Variants in ENTPD1 observed in about 807,000 individuals in gnomAD.
The protein encoded by ENTPD1 is ectonucleoside triphosphate diphosphohydrolase 1, also known as ATP diphosphohydrolase.
In ENTPD1, 33 loss-of-function variants were observed where a neutral mutation model predicts 57.0. The observed-to-expected ratio is 0.58, with a 90% confidence interval of 0.44 to 0.77. ENTPD1 has a LOEUF of 0.77. Among genes scored for constraint, ENTPD1 ranks in the 30% least tolerant of loss-of-function variants. The pLI is 0.00. For missense variants in ENTPD1, 501 were observed against 603.4 expected, an observed-to-expected ratio of 0.83 and a Z score of 1.78; for synonymous variants, 202 against 218.8, an observed-to-expected ratio of 0.92 and a Z score of 0.68.
exon 1 of ENTPD1, chr10:95,711,811 G>T: frequency 9.3e-7 from 1 of 1,071,602 alleles, no homozygotes; most frequent in Non-Finnish European, 1.4e-6. Flanking sequence ...AAATAAATTT[G>T]TATGCCTTTT....
chr10:95,782,169 TAA>T (rs1437729093), intron 1 of ENTPD1, among the ~76,000 whole-genome samples: 8 of 152,238 alleles, frequency 5.3e-5, no homozygotes, highest in African/African-American at 1.9e-4. Flanking sequence ...GGCTCTGTGT[TAA>T]GTGCTTGACT....
At chr10:95,837,092 G>A (rs1044305949) in intron 2 of ENTPD1, among the ~76,000 whole-genome samples, 1 of 152,202 alleles carries the variant, frequency 6.6e-6, no homozygotes, top group African/African-American at 2.4e-5. Context: ...CGTAGTAAAA[G>A]TTTTTGTTTC....
chr10:95,738,253 C>G (rs1406034268), intron 1 of ENTPD1, among the ~76,000 whole-genome samples: 3 of 152,194 alleles, frequency 2.0e-5, no homozygotes, highest in Admixed American at 6.5e-5. Context: ...CCTGGAATCT[C>G]TGTGTGTGCA....
chr10:95,844,659 G>T, intron 5 of ENTPD1, 24 bp downstream of exon 5: 2 of 1,613,896 alleles, frequency 1.2e-6, no homozygotes, highest in South Asian at 2.2e-5. Flanking sequence ...AGCATCCATG[G>T]AGGTGGCTCT....
intron 1 of ENTPD1, among the ~76,000 whole-genome samples, chr10:95,734,745 A>G (rs967423155): frequency 1.3e-5 from 2 of 152,186 alleles, no homozygotes; most frequent in Non-Finnish European, 2.9e-5. Context: ...ACTGATTTTT[A>G]TGTCACAAAA....
intron 1 of ENTPD1, among the ~76,000 whole-genome samples, chr10:95,805,868 A>T (rs1026110021): frequency 1.1e-4 from 17 of 152,158 alleles, no homozygotes; most frequent in African/African-American, 3.9e-4. Flanking sequence ...CCGCTGTAAG[A>T]CTGATGGGCT....
intron 7 of ENTPD1, among the ~76,000 whole-genome samples, chr10:95,849,971 C>G (rs543010391): frequency 5.9e-5 from 9 of 152,364 alleles, no homozygotes; most frequent in African/African-American, 2.2e-4. Context: ...GAGTTTGTAA[C>G]TTCTCAGAAA....
intron 1 of ENTPD1, among the ~76,000 whole-genome samples, chr10:95,818,953 A>G (rs1219255412): frequency 6.6e-6 from 1 of 152,254 alleles, no homozygotes; most frequent in African/African-American, 2.4e-5. Flanking sequence ...GATGTGACTC[A>G]TAACAAATTG....
intron 1 of ENTPD1, among the ~76,000 whole-genome samples, chr10:95,788,062 T>C (rs1233658639): frequency 6.6e-6 from 1 of 152,174 alleles, no homozygotes; most frequent in African/African-American, 2.4e-5. Flanking sequence ...TAGAGGAAGA[T>C]ATTAGTGCCT....
intron 6 of ENTPD1, chr10:95,846,501 C>G (rs555860225): frequency 6.6e-6 from 1 of 152,394 alleles, no homozygotes; most frequent in Non-Finnish European, 1.5e-5. Flanking sequence ...CCAGCTGTTC[C>G]CTGTCTCCAC....
chr10:95,727,454 G>A (rs532595160), intron 1 of ENTPD1, among the ~76,000 whole-genome samples: 5 of 151,984 alleles, frequency 3.3e-5, no homozygotes, highest in African/African-American at 9.7e-5. Flanking sequence ...CATATTTTTC[G>A]ATCATAAAGA....
At position 95,866,409 on chromosome 10, in the gene ENTPD1, G is replaced by A. The variant is rs192093873; in HGVS notation, c.*26G>A. ...CAAAAGCAGCTGAAATATGCTGGCTGGAGTGAGGAAAAAAATCGTCCAGGG... is the reference window on the plus strand; with the variant it reads ...CAAAAGCAGCTGAAATATGCTGGCTAGAGTGAGGAAAAAAATCGTCCAGGG... On this transcript the variant is annotated 3_prime_UTR_variant, in exon 10 of 10. Coordinates refer to ENST00000371205, the MANE Select transcript of ENTPD1 (RefSeq NM_001776.6). 165 of 1,613,704 alleles carry A rather than the reference G, an allele frequency of 1.0e-4. No individual in the cohort carries two copies. Among genetic ancestry groups the A allele is most frequent in the Non-Finnish European group, 1.4e-4 (163 of 1,179,874 alleles).
upstream of ENTPD1, among the ~76,000 whole-genome samples, chr10:95,710,022 C>T (rs991829575): frequency 6.6e-6 from 1 of 152,116 alleles, no homozygotes; most frequent in Non-Finnish European, 1.5e-5. Context: ...GATCCACCCC[C>T]CTCGGCCTCC....
chr10:95,768,009 C>A (rs1031369165), intron 1 of ENTPD1, among the ~76,000 whole-genome samples: 3 of 152,240 alleles, frequency 2.0e-5, no homozygotes, highest in Non-Finnish European at 4.4e-5. Flanking sequence ...CCTTTGCTTT[C>A]TGCCATGGGA....
intron 1 of ENTPD1, among the ~76,000 whole-genome samples, chr10:95,788,796 T>C (rs920665996): frequency 2.6e-5 from 4 of 152,196 alleles, no homozygotes; most frequent in African/African-American, 9.6e-5. Context: ...AATTTTCTTA[T>C]ATATTATTTT....
At chr10:95,780,042 A>G (rs927409201) in intron 1 of ENTPD1, among the ~76,000 whole-genome samples, 1 of 152,212 alleles carries the variant, frequency 6.6e-6, no homozygotes, top group African/African-American at 2.4e-5. Context: ...TGTTACCCAC[A>G]GAAATGAAGC....
intron 8 of ENTPD1, 117 bp from the exon 9 acceptor site, chr10:95,864,607 T>C (rs971469798): frequency 1.4e-6 from 2 of 1,423,090 alleles, no homozygotes; most frequent in African/African-American, 2.8e-5. Context: ...GAGGCCAACC[T>C]TCAGGTGCAC....
chr10:95,787,361 C>A (rs1273387129), intron 1 of ENTPD1, among the ~76,000 whole-genome samples: 1 of 152,090 alleles, frequency 6.6e-6, no homozygotes, highest in African/African-American at 2.4e-5. Context: ...TACAAGAGGG[C>A]TTGGAAGGAT....
rs2098480758 is a variant in ENTPD1, at chr10:95,871,787, G to GAA, written c.*5404_*5405insAA. On this transcript the variant is annotated 3_prime_UTR_variant, in exon 10 of 10. Coordinates refer to ENST00000371205, the MANE Select transcript of ENTPD1 (RefSeq NM_001776.6). Reference sequence around the variant, plus strand: ...ACTTGTTTTTATAACCCCTTTGCATGTATGTTGAATAGCAAAGTTCATCAG... The same window carrying GAA: ...ACTTGTTTTTATAACCCCTTTGCATGAATATGTTGAATAGCAAAGTTCATCAG... 2.0e-6 allele frequency: 2 copies of GAA among 985,300 alleles called. No homozygotes were observed. Among genetic ancestry groups the GAA allele is most frequent in the Non-Finnish European group, 2.4e-6 (2 of 829,930 alleles). 61.0% of individuals were successfully genotyped at this position (985,300 alleles called of 1,614,324 possible).
Sources: gnomAD v4.1 joint callset for allele counts (sites outside exome capture counted in the v4.1 genomes callset) on GRCh38, gnomAD v4.1.1 for gene constraint, MANE v1.5 for transcripts, NCBI Gene and HGNC (gene_info 2026-07-23, HGNC 2026-07-21) for gene names.